The following RFTN1 variants were observed in gnomAD, a reference collection of about 807,000 sequenced individuals.
RFTN1 encodes raftlin, lipid raft linker 1, also known as raftlin.
A neutral mutation model predicts 46.5 loss-of-function variants in RFTN1; 26 were observed. That is an observed-to-expected ratio of 0.56 (90% CI 0.41 to 0.78). The LOEUF is 0.78. Ranked by LOEUF, RFTN1 falls within the 30% of genes least tolerant of loss-of-function variation. The pLI, the probability that RFTN1 is intolerant of heterozygous loss-of-function variation, is 0.00. For missense variants in RFTN1, 693 were observed against 718.7 expected, an observed-to-expected ratio of 0.96 and a Z score of 0.41; for synonymous variants, 261 against 284.2, an observed-to-expected ratio of 0.92 and a Z score of 0.82.
rs1355711737 is a variant in RFTN1 at position 16,346,351 on chromosome 3, T to C, written c.1146+11581A>G. The C allele has an allele frequency of 6.6e-6, 1 of 152,224 alleles. No individual in the cohort carries two copies. The highest frequency in any genetic ancestry group is 1.5e-5 in the Non-Finnish European group (1 of 68,044). The allele number at this position is 152,224 out of a possible 1,614,324, so 9.4% of individuals were successfully genotyped here. A position where few individuals can be genotyped will look rare whatever the true frequency, so the allele number is the denominator to read the frequency against. ...CTTACTTGTATCACTAAATTTTGTA[T>C]ATGAAGTGAAATATGGCTGTCTGAG... On this transcript the variant is annotated intron_variant, in intron 7 of 9. Coordinates refer to ENST00000334133, the MANE Select transcript of RFTN1 (RefSeq NM_015150.2). This position sits in a 1 kb window ranked among gnomAD's most constrained non-coding sequence, Gnocchi z 4.4.
rs1024396239 is a variant in RFTN1, at chr3:16,446,198, A to C, written c.146-12161T>G. On this transcript the variant is annotated intron_variant, in intron 2 of 9. Transcript: ENST00000334133. The surrounding 1 kb of genome is among the most constrained non-coding windows in gnomAD (Gnocchi z 4.5). ...GGGTCCCCATATTCCCTGGGCCCTA[A>C]AGCAGATTAGCCACAAGACCAAGAT... 6.6e-6 allele frequency among the ~76,000 whole-genome samples: 1 copy of C among 152,068 alleles called. No homozygotes were observed. Among genetic ancestry groups the C allele is most frequent in the African/African-American group, 2.4e-5 (1 of 41,376 alleles).
At chr3:16,324,646 TTGTGTGTGTGTGTGTGTGTGTGTGTG>T (rs71632869) in intron 8 of RFTN1, among the ~76,000 whole-genome samples, 1 of 100,434 alleles carries the variant, frequency 1.0e-5, no homozygotes, top group Non-Finnish European at 1.9e-5. Context: ...TAGTATTCCA[TTGTGTGTGTGTGTGTGTGTGTGTGTG>T]TGTGTGTGTG....
At chr3:16,360,314 G>A (rs1378451961) in intron 6 of RFTN1, among the ~76,000 whole-genome samples, 1 of 152,044 alleles carries the variant, frequency 6.6e-6, no homozygotes, top group Non-Finnish European at 1.5e-5. Context: ...TGGGACCACA[G>A]GCACATGCCA....
Position 16,356,742 on chromosome 3 carries a change from C to A in RFTN1, c.1146+1190G>T, listed in dbSNP as rs1044723741. On this transcript the variant is annotated intron_variant, in intron 7 of 9. Coordinates refer to ENST00000334133, the MANE Select transcript of RFTN1 (RefSeq NM_015150.2). This position sits in a 1 kb window ranked among gnomAD's most constrained non-coding sequence, Gnocchi z 4.9. ...GGTTGTATCCACCTCTGTCTTCCCT[C>A]GGCCTGGAGAGCCCTCTTTGGCAGA... Among the ~76,000 whole-genome samples the A allele has an allele frequency of 6.6e-6, 1 of 152,214 alleles. No homozygotes were observed. The highest frequency in any genetic ancestry group is 2.4e-5 in the African/African-American group (1 of 41,444).
Position 16,434,399 on chromosome 3 carries a change from C to A in RFTN1, c.146-362G>T, listed in dbSNP as rs13070355. On this transcript the variant is annotated intron_variant, in intron 2 of 9. Coordinates refer to ENST00000334133, the MANE Select transcript of RFTN1 (RefSeq NM_015150.2). ...AAACAAACAAACAAACAAACAAAAA[C>A]AAAAAAACCCCCTCAAAATTAGCCA... Among the ~76,000 whole-genome samples the A allele has an allele frequency of 5.2e-4, 58 of 112,264 alleles. 1 individual carries two copies. The highest frequency in any genetic ancestry group is 3.1e-3 in the Admixed American group (31 of 10,034). 73.6% of individuals were successfully genotyped at this position (112,264 alleles called of 152,430 possible). A position where few individuals can be genotyped will look rare whatever the true frequency, so the allele number is the denominator to read the frequency against.
chr3:16,421,240 G>C lies in RFTN1; in HGVS notation c.333-11757C>G, dbSNP rs911760501. ...TCAAGGCAAAATATACACTTGAAAT[G>C]AGATTCATTGTTAACATAATGGAAC... is the stretch of plus-strand genomic sequence containing the variant. On this transcript the variant is annotated intron_variant, in intron 3 of 9. Coordinates refer to ENST00000334133, the MANE Select transcript of RFTN1 (RefSeq NM_015150.2). This position sits in a 1 kb window ranked among gnomAD's most constrained non-coding sequence, Gnocchi z 4.6. Among the ~76,000 whole-genome samples, 3 of 152,170 alleles carry C rather than the reference G, an allele frequency of 2.0e-5. No individual in the cohort carries two copies. The highest frequency in any genetic ancestry group is 7.2e-5 in the African/African-American group (3 of 41,434).
rs376949462 is a variant in RFTN1, at chr3:16,383,925, G to T, written c.442-5823C>A. ...GTCACAGTTAATTTTATGTCCACTT[G>T]ACTGAACTATGGTGACCAATTGTTT... On this transcript the variant is annotated intron_variant, in intron 4 of 9. Coordinates refer to ENST00000334133, the MANE Select transcript of RFTN1 (RefSeq NM_015150.2). This position sits in a 1 kb window ranked among gnomAD's most constrained non-coding sequence, Gnocchi z 4.0. Among the ~76,000 whole-genome samples the T allele has an allele frequency of 2.0e-4, 31 of 152,182 alleles. 2 individuals carry two copies. The highest frequency in any genetic ancestry group is 1.9e-3 in the East Asian group (10 of 5,202).
intron 6 of RFTN1, among the ~76,000 whole-genome samples, chr3:16,367,101 A>G (rs796584733): frequency 0.034 from 3,903 of 116,454 alleles, no homozygotes; most frequent in South Asian, 0.13. Flanking sequence ...CACAGTTCTC[A>G]TGAGCTTTAT....
intron 5 of RFTN1, among the ~76,000 whole-genome samples, chr3:16,372,744 G>C (rs1046808327): frequency 6.6e-6 from 1 of 152,246 alleles, no homozygotes; most frequent in African/African-American, 2.4e-5. Context: ...AGCGGAGGAA[G>C]ACAGAGACCC....
At chr3:16,339,427 C>G (rs2071159269) in intron 7 of RFTN1, 1 of 152,216 alleles carries the variant, frequency 6.6e-6, no homozygotes, top group South Asian at 2.1e-4. Flanking sequence ...CTTCAGGACA[C>G]ATCAGACATC....
rs536635709 is a variant in RFTN1, at chr3:16,317,581, C to T, written c.1333-349G>A. On this transcript the variant is annotated intron_variant, in intron 9 of 9. Transcript: ENST00000334133. The surrounding 1 kb of genome is among the most constrained non-coding windows in gnomAD (Gnocchi z 4.3). Reference sequence around the variant, plus strand: ...GCCAGGATGGAGAGGAGATGTGAGGCCTGCCCCCAGTAAGAGCCAGAGCTG... The same window carrying T: ...GCCAGGATGGAGAGGAGATGTGAGGTCTGCCCCCAGTAAGAGCCAGAGCTG... Among the ~76,000 whole-genome samples the T allele has an allele frequency of 2.0e-5, 3 of 152,300 alleles. No homozygotes were observed. Among genetic ancestry groups the T allele is most frequent in the Admixed American group, 2.0e-4 (3 of 15,300 alleles).
At chr3:16,438,585 C>CAGA (rs2075560543) in intron 2 of RFTN1, among the ~76,000 whole-genome samples, 1 of 30,444 alleles carries the variant, frequency 3.3e-5, no homozygotes, top group Non-Finnish European at 5.7e-5. Context: ...AACTCTGTCT[C>CAGA]AAAAAAAAAA....
chr3:16,416,512 G>A (rs1211898531), intron 3 of RFTN1, among the ~76,000 whole-genome samples: 3 of 152,174 alleles, frequency 2.0e-5, no homozygotes, highest in Admixed American at 6.5e-5. Flanking sequence ...ACATAGTATG[G>A]TAATGTAAGA....
At chr3:16,432,805 T>G (rs1437021848) in intron 3 of RFTN1, among the ~76,000 whole-genome samples, 1 of 152,210 alleles carries the variant, frequency 6.6e-6, no homozygotes, top group Non-Finnish European at 1.5e-5. Context: ...CCTTTCACTT[T>G]GAATTCTAAT....
Position 16,321,939 on chromosome 3 carries a change from G to A in RFTN1, c.1332+1437C>T, listed in dbSNP as rs2069108339. On this transcript the variant is annotated intron_variant, in intron 9 of 9. Coordinates refer to ENST00000334133, the MANE Select transcript of RFTN1 (RefSeq NM_015150.2). The surrounding 1 kb of genome is among the most constrained non-coding windows in gnomAD (Gnocchi z 4.8). Reference sequence around the variant, plus strand: ...CCTTCACACCAACATCCAACCACATGTCTCTCCTTTGGAATCTGTGTGCCC... The same window carrying A: ...CCTTCACACCAACATCCAACCACATATCTCTCCTTTGGAATCTGTGTGCCC... Among the ~76,000 whole-genome samples, 4 of 152,280 alleles carry A rather than the reference G, an allele frequency of 2.6e-5. No individual in the cohort carries two copies. The highest frequency in any genetic ancestry group is 4.8e-5 in the African/African-American group (2 of 41,562).
chr3:16,484,295 C>T lies in RFTN1; in HGVS notation c.145+9430G>A, dbSNP rs1292417202. Among the ~76,000 whole-genome samples the T allele has an allele frequency of 6.6e-6, 1 of 152,284 alleles. No individual in the cohort carries two copies. Among genetic ancestry groups the T allele is most frequent in the African/African-American group, 2.4e-5 (1 of 41,554 alleles). On this transcript the variant is annotated intron_variant, in intron 2 of 9. Transcript: ENST00000334133. This position sits in a 1 kb window ranked among gnomAD's most constrained non-coding sequence, Gnocchi z 4.6. ...TAGTTGTGTGTCAGACTAACACCCC[C>T]CAGACTGGAGGTCAAAGAAAAACTG... is the stretch of plus-strand genomic sequence containing the variant.
chr3:16,360,941 G>A (rs76835360), intron 6 of RFTN1, among the ~76,000 whole-genome samples: 6 of 152,268 alleles, frequency 3.9e-5, no homozygotes, highest in African/African-American at 1.4e-4. Flanking sequence ...CAAACTTTAA[G>A]GAAATACACA....
chr3:16,323,917 C>G (rs940035203), intron 8 of RFTN1, among the ~76,000 whole-genome samples: 1 of 152,174 alleles, frequency 6.6e-6, no homozygotes, highest in East Asian at 1.9e-4. Flanking sequence ...ATGCATGGCT[C>G]CTGCAGGCAC....
chr3:16,478,375 T>C (rs2076316683), intron 2 of RFTN1, among the ~76,000 whole-genome samples: 1 of 152,120 alleles, frequency 6.6e-6, no homozygotes, highest in Non-Finnish European at 1.5e-5. Context: ...AGAAGTGAAG[T>C]GACTTTCTCA....
Sources: gnomAD v4.1 joint callset for allele counts (sites outside exome capture counted in the v4.1 genomes callset) on GRCh38, gnomAD v4.1.1 for gene constraint, Gnocchi (gnomAD v3.1) non-coding constraint, MANE v1.5 for transcripts, NCBI Gene and HGNC (gene_info 2026-07-23, HGNC 2026-07-21) for gene names.